PRELID3A: variants seen among roughly 807,000 people sequenced by gnomAD.
PRELID3A encodes PRELI domain containing 3A.
PRELID3A carries 27 observed loss-of-function variants against 23.0 expected under a neutral mutation model. The ratio of observed to expected loss-of-function variants is 1.17; its 90% CI spans 0.87 to 1.62. PRELID3A has a LOEUF of 1.62. Ranked by LOEUF, PRELID3A falls within the 40% of genes most tolerant of loss-of-function variation. The probability of loss-of-function intolerance (pLI) is 0.00; values close to 1 mark genes in which losing one functional copy is unlikely to be tolerated. For synonymous variants in PRELID3A, 87 were observed against 86.4 expected (o/e 1.01, Z -0.04); for missense variants, 231 against 231.4 (o/e 1.00, Z 0.01).
At chr18:12,408,263 A>C (rs1274169436) in intron 1 of PRELID3A, among the ~76,000 whole-genome samples, 4 of 151,684 alleles carry the variant, frequency 2.6e-5, no homozygotes, top group Non-Finnish European at 5.9e-5. Flanking sequence ...GGCTGCAGGC[A>C]CAGAGGCCCC....
Position 12,431,778 on chromosome 18 carries a change from C to G in PRELID3A, c.*662C>G, listed in dbSNP as rs1485216510. 6.6e-6 allele frequency: 1 copy of G among 152,274 alleles called. No individual in the cohort carries two copies. Among genetic ancestry groups the G allele is most frequent in the Non-Finnish European group, 1.5e-5 (1 of 68,116 alleles). 9.4% of individuals were successfully genotyped at this position (152,274 alleles called of 1,614,324 possible). A position where few individuals can be genotyped will look rare whatever the true frequency, so the allele number is the denominator to read the frequency against. On this transcript the variant is annotated 3_prime_UTR_variant, in exon 7 of 7. Coordinates refer to ENST00000440960, the MANE Select transcript of PRELID3A (RefSeq NM_001142405.2). ...GCTGGGGTCCAGGGGTTTCCCGGCC[C>G]TTTCTGCAGGCTGTGCCAGCCCCCT...
chr18:12,426,563 A>AAAAAAAAAAAAAAAAG (rs67993774), intron 3 of PRELID3A, among the ~76,000 whole-genome samples: 7,494 of 87,192 alleles, frequency 0.086, 1,755 homozygotes, highest in East Asian at 0.37. Flanking sequence ...CAAAAAAAAA[A>AAAAAAAAAAAAAAAAG]AAAGTATAAA....
intron 3 of PRELID3A, among the ~76,000 whole-genome samples, 157 bp downstream of exon 3, chr18:12,421,786 A>C (rs1474792313): frequency 6.6e-6 from 1 of 152,156 alleles, no homozygotes; most frequent in Non-Finnish European, 1.5e-5. Flanking sequence ...TTTTTATTCA[A>C]GTATAATAAG....
At chr18:12,416,671 A>G in intron 1 of PRELID3A, among the ~76,000 whole-genome samples, 1 of 138,200 alleles carries the variant, frequency 7.2e-6, no homozygotes, top group Non-Finnish European at 1.5e-5. Flanking sequence ...TTTTAGACAG[A>G]GTCTCACTCT....
chr18:12,420,566 C>T (rs529133096), intron 2 of PRELID3A, 73 bp downstream of exon 2: 30,722 of 1,398,386 alleles, frequency 0.022, 406 homozygotes, highest in Non-Finnish European at 0.026. Flanking sequence ...CTCCCGCGTC[C>T]CTCCTCCCCT....
At chr18:12,424,847 A>C (rs1214863953) in intron 3 of PRELID3A, among the ~76,000 whole-genome samples, 3 of 152,214 alleles carry the variant, frequency 2.0e-5, no homozygotes, top group South Asian at 2.1e-4. Flanking sequence ...ATTTTAAGCT[A>C]TTTATGGCCA....
At chr18:12,425,207 G>C (rs1381900012) in intron 3 of PRELID3A, among the ~76,000 whole-genome samples, 1 of 152,102 alleles carries the variant, frequency 6.6e-6, no homozygotes, top group African/African-American at 2.4e-5. Flanking sequence ...CACATTTCAG[G>C]TGTGCATTAG....
Position 12,429,445 on chromosome 18 carries a change from A to G in PRELID3A, c.*33+9A>G, listed in dbSNP as rs368285489. Reference sequence around the variant, plus strand: ...GCTTGTCATAAATGGTGGTGAGTACAGTATTCACTCACCTGGGGGGGTACT... The same window carrying G: ...GCTTGTCATAAATGGTGGTGAGTACGGTATTCACTCACCTGGGGGGGTACT... On this transcript the variant is annotated intron_variant, in intron 6 of 6. Transcript: ENST00000440960. The G allele has an allele frequency of 7.0e-6, 11 of 1,570,426 alleles. No individual in the cohort carries two copies. Among genetic ancestry groups the G allele is most frequent in the African/African-American group, 1.3e-5 (1 of 74,082 alleles).
intron 1 of PRELID3A, among the ~76,000 whole-genome samples, chr18:12,412,337 G>A (rs1261124660): frequency 1.3e-5 from 2 of 152,004 alleles, no homozygotes; most frequent in Non-Finnish European, 2.9e-5. Context: ...ACAAGCACCT[G>A]CTACCACGCC....
chr18:12,407,968 C>A lies in PRELID3A; in HGVS notation c.-8C>A. The A allele has an allele frequency of 1.5e-6, 2 of 1,296,326 alleles. No individual in the cohort carries two copies. The highest frequency in any genetic ancestry group is 2.5e-5 in the South Asian group (1 of 40,332). The allele number at this position is 1,296,326 out of a possible 1,614,324, so 80.3% of individuals were successfully genotyped here. A position where few individuals can be genotyped will look rare whatever the true frequency, so the allele number is the denominator to read the frequency against. On this transcript the variant is annotated 5_prime_UTR_variant, in exon 1 of 7. Transcript: ENST00000440960. ...GGATCGCAGAGCCCGCGCCCTGCGCCGGCGGCAATGAAGATCTGGAGCTCG... is the reference window on the plus strand; with the variant it reads ...GGATCGCAGAGCCCGCGCCCTGCGCAGGCGGCAATGAAGATCTGGAGCTCG...
chr18:12,414,280 C>T (rs1198558007), intron 1 of PRELID3A, among the ~76,000 whole-genome samples: 1 of 152,204 alleles, frequency 6.6e-6, no homozygotes. Context: ...ACAGATGTCC[C>T]TAAGAGAAAC....
chr18:12,420,504 CGGGG>C lies in PRELID3A; in HGVS notation c.201+13_201+16del. On this transcript the variant is annotated intron_variant, in intron 2 of 6. Transcript: ENST00000440960. ...AGCCTCGTGAGAGCGGTGAGCGGGG[CGGGG>C]GCTGCGGCTCCGAACGCGCCCGACT... 6.6e-7 allele frequency: 1 copy of C among 1,511,558 alleles called. No individual in the cohort carries two copies. The highest frequency in any genetic ancestry group is 8.9e-7 in the Non-Finnish European group (1 of 1,129,624). 93.6% of individuals were successfully genotyped at this position (1,511,558 alleles called of 1,614,324 possible).
intron 1 of PRELID3A, among the ~76,000 whole-genome samples, chr18:12,409,198 G>A (rs1909832564): frequency 8.9e-6 from 1 of 112,948 alleles, no homozygotes; most frequent in Admixed American, 1.4e-4. Context: ...ACATAGGCTC[G>A]CTGGGTCACC....
chr18:12,408,012 G>T lies in PRELID3A; in HGVS notation c.32+5G>T. The T allele has an allele frequency of 7.8e-7, 1 of 1,275,454 alleles. No homozygotes were observed. Among genetic ancestry groups the T allele is most frequent in the Non-Finnish European group, 9.9e-7 (1 of 1,011,194 alleles). The allele number at this position is 1,275,454 out of a possible 1,614,324, so 79.0% of individuals were successfully genotyped here. A position where few individuals can be genotyped will look rare whatever the true frequency, so the allele number is the denominator to read the frequency against. On this transcript the variant is annotated splice_donor_5th_base_variant and intron_variant, in intron 1 of 6. Coordinates refer to ENST00000440960, the MANE Select transcript of PRELID3A (RefSeq NM_001142405.2). Reference sequence around the variant, plus strand: ...GAGCTCGGAGCACGTGTTTGGGTGAGGCCGGGCTGAGGGCCGCGGTGGGGC... The same window carrying T: ...GAGCTCGGAGCACGTGTTTGGGTGATGCCGGGCTGAGGGCCGCGGTGGGGC...
chr18:12,408,134 G>C, intron 1 of PRELID3A, 127 bp downstream of exon 1: 1 of 902,350 alleles, frequency 1.1e-6, no homozygotes, highest in Non-Finnish European at 1.4e-6. Flanking sequence ...GCCCCGCGCC[G>C]GCCGTTCCCA....
At chr18:12,413,765 G>A (rs2029876538) in intron 1 of PRELID3A, among the ~76,000 whole-genome samples, 1 of 152,124 alleles carries the variant, frequency 6.6e-6, no homozygotes, top group African/African-American at 2.4e-5. Context: ...TGTATTTTTA[G>A]TAGAGACGGG....
chr18:12,425,557 A>G (rs2030330482), intron 3 of PRELID3A, among the ~76,000 whole-genome samples: 1 of 151,518 alleles, frequency 6.6e-6, no homozygotes, highest in African/African-American at 2.4e-5. Context: ...GTGTGAACCC[A>G]GAAGGCGGAG....
chr18:12,426,563 A>AAAAAAG lies in PRELID3A; in HGVS notation c.292-475_292-474insAAGAAA, dbSNP rs67993774. On this transcript the variant is annotated intron_variant, in intron 3 of 6. Coordinates refer to ENST00000440960, the MANE Select transcript of PRELID3A (RefSeq NM_001142405.2). ...AGTGAGACTCCATCTCAAAAAAAAA[A>AAAAAAG]AAAGTATAAATATGTACATAAGGAG... 3.4e-5 allele frequency among the ~76,000 whole-genome samples: 3 copies of AAAAAAG among 87,720 alleles called. 1 individual carries two copies. The highest frequency in any genetic ancestry group is 8.6e-5 in the African/African-American group (2 of 23,382). The allele number at this position is 87,720 out of a possible 152,430, so 57.5% of individuals were successfully genotyped here. A position where few individuals can be genotyped will look rare whatever the true frequency, so the allele number is the denominator to read the frequency against.
At position 12,421,298 on chromosome 18, in the gene PRELID3A, T is replaced by G. The variant is rs146731550; in HGVS notation, c.202-242T>G. 4.9e-4 allele frequency: 240 copies of G among 492,392 alleles called. 1 individual carries two copies. In the East Asian group the frequency reaches 8.6e-3, roughly 18 times the overall value. The allele number at this position is 492,392 out of a possible 1,614,324, so 30.5% of individuals were successfully genotyped here. A position where few individuals can be genotyped will look rare whatever the true frequency, so the allele number is the denominator to read the frequency against. On this transcript the variant is annotated intron_variant, in intron 2 of 6. Coordinates refer to ENST00000440960, the MANE Select transcript of PRELID3A (RefSeq NM_001142405.2). Reference sequence around the variant, plus strand: ...TAGCTCCACTGCCCGCAGCCTGTTTTATTTTGCCGGGAGCATAGTGCTGCT... The same window carrying G: ...TAGCTCCACTGCCCGCAGCCTGTTTGATTTTGCCGGGAGCATAGTGCTGCT...
Sources: gnomAD v4.1 joint callset for allele counts (sites outside exome capture counted in the v4.1 genomes callset) on GRCh38, gnomAD v4.1.1 for gene constraint, MANE v1.5 for transcripts, NCBI Gene and HGNC (gene_info 2026-07-23, HGNC 2026-07-21) for gene names.